Variants in AKAP13 observed in about 807,000 individuals in gnomAD.
The protein encoded by AKAP13 is A-kinase anchoring protein 13.
A neutral mutation model predicts 264.5 loss-of-function variants in AKAP13; 80 were observed. The ratio of observed to expected loss-of-function variants is 0.30; its 90% CI spans 0.25 to 0.36. AKAP13 has a LOEUF of 0.36. AKAP13 is among the 10% of genes least tolerant of loss of function. The pLI, the probability that AKAP13 is intolerant of heterozygous loss-of-function variation, is 1.00. For synonymous variants in AKAP13, 1,380 were observed against 1,250.2 expected (o/e 1.10, Z -2.19); for missense variants, 3,712 against 3,435.2 (o/e 1.08, Z -2.01).
Position 85,543,921 on chromosome 15 carries a change from C to T in AKAP13, c.628C>T (p.Arg210Ter), listed in dbSNP as rs772933404. 6.2e-7 allele frequency: 1 copy of T among 1,613,622 alleles called. No individual in the cohort carries two copies. Among genetic ancestry groups the T allele is most frequent in the Non-Finnish European group, 8.5e-7 (1 of 1,179,684 alleles). Residue 210 changes from arginine (R) to a stop codon, truncating the protein, a stop_gained, in exon 5 of 37, where the codon CGA becomes TGA. Coordinates refer to ENST00000394518, the MANE Select transcript of AKAP13 (RefSeq NM_007200.5). LOFTEE classifies it high-confidence loss of function. ...GACGCCTGTGAGCTTGGCCTTGGAG[C>T]GAGGCTATCACAAGCTGCACCAGCT... ...GATPVSLALE[R>*]GYHKLHQLLT...
intron 12 of AKAP13, among the ~76,000 whole-genome samples, chr15:85,663,756 G>C (rs2083462941): frequency 6.6e-6 from 1 of 152,234 alleles, no homozygotes; most frequent in African/African-American, 2.4e-5. Flanking sequence ...TCGCTAACCT[G>C]TCTCTGTAGC....
At position 85,544,153 on chromosome 15, in the gene AKAP13, G is replaced by C. The variant is rs1319151994; in HGVS notation, c.662+198G>C. The C allele has an allele frequency of 1.6e-4, 114 of 717,616 alleles. No individual in the cohort carries two copies. In the African/African-American group the frequency reaches 1.9e-3, roughly 12 times the overall value. 44.5% of individuals were successfully genotyped at this position (717,616 alleles called of 1,614,324 possible). The stretch of plus-strand genomic sequence containing the variant: ...TGTCTGAGAGAGAAACGTAAGTCGT[G>C]TTAACCATTTTCTCTCTCGTCTGCC... On this transcript the variant is annotated intron_variant, in intron 5 of 36. Transcript: ENST00000394518.
At chr15:85,616,891 C>G (rs1462087914) in intron 8 of AKAP13, among the ~76,000 whole-genome samples, 1 of 152,166 alleles carries the variant, frequency 6.6e-6, no homozygotes, top group Non-Finnish European at 1.5e-5. Context: ...ATTTGTTTCC[C>G]ACCCAGGGTA....
At position 85,394,714 on chromosome 15, in the gene AKAP13, A is replaced by G. The variant is rs563199409; in HGVS notation, c.-12+13916A>G. 5.9e-5 allele frequency among the ~76,000 whole-genome samples: 9 copies of G among 152,326 alleles called. No homozygotes were observed. The South Asian group carries it at 1.9e-3, about 32-fold the overall frequency. On this transcript the variant is annotated intron_variant, in intron 1 of 36. Transcript: ENST00000394518. ...TCCCAATTTAGCTGGGTTCTGTCAC[A>G]TAATTGACTGTGTGACCTTGAGCAG...
intron 2 of AKAP13, among the ~76,000 whole-genome samples, chr15:85,498,212 A>ATATATATATATATATATATATATAT (rs1217645309): frequency 3.5e-5 from 5 of 141,238 alleles, no homozygotes; most frequent in South Asian, 2.3e-4. Flanking sequence ...ATATATATAT[A>ATATATATATATATATATATATATAT]TATATATATA....
intron 20 of AKAP13, 93 bp downstream of exon 20, chr15:85,716,016 T>G: frequency 1.4e-6 from 2 of 1,399,282 alleles, no homozygotes; most frequent in Non-Finnish European, 1.9e-6. Flanking sequence ...TTTTTTTTTT[T>G]AAGAAATAAA....
At chr15:85,673,852 A>AT (rs140794268) in intron 14 of AKAP13, among the ~76,000 whole-genome samples, 20,433 of 146,458 alleles carry the variant, frequency 0.14, 2,064 homozygotes, top group East Asian at 0.37. Flanking sequence ...CACCCGGCTA[A>AT]TTTTTTTTTT....
At chr15:85,559,851 T>G (rs138814966) in intron 5 of AKAP13, among the ~76,000 whole-genome samples, 1 of 152,068 alleles carries the variant, frequency 6.6e-6, no homozygotes, top group East Asian at 1.9e-4. Context: ...GGCATGGGAG[T>G]TGGGGACCCC....
At chr15:85,440,340 T>G (rs2073582787) in intron 1 of AKAP13, among the ~76,000 whole-genome samples, 1 of 152,190 alleles carries the variant, frequency 6.6e-6, no homozygotes, top group African/African-American at 2.4e-5. Flanking sequence ...GATGAAAACT[T>G]TTTCTTAATT....
chr15:85,530,792 T>G (rs2077219573), intron 3 of AKAP13, among the ~76,000 whole-genome samples: 1 of 152,186 alleles, frequency 6.6e-6, no homozygotes, highest in South Asian at 2.1e-4. Context: ...TCATCATCCA[T>G]CCACCATCAG....
chr15:85,383,424 C>G (rs1214749217), intron 1 of AKAP13, among the ~76,000 whole-genome samples: 1 of 152,150 alleles, frequency 6.6e-6, no homozygotes, highest in South Asian at 2.1e-4. Flanking sequence ...AGGTACTTAA[C>G]TACAGTATCT....
intron 8 of AKAP13, among the ~76,000 whole-genome samples, chr15:85,613,913 A>G (rs2080823614): frequency 6.6e-6 from 1 of 151,910 alleles, no homozygotes; most frequent in Non-Finnish European, 1.5e-5. Flanking sequence ...ATGAGAATTT[A>G]TTTGAGAGAA....
intron 10 of AKAP13, among the ~76,000 whole-genome samples, 173 bp from the exon 11 acceptor site, chr15:85,655,243 AG>A (rs1239193259): frequency 6.6e-6 from 1 of 152,122 alleles, no homozygotes; most frequent in Non-Finnish European, 1.5e-5. Flanking sequence ...TCTAGAGTCC[AG>A]GGGGGATTTG....
At chr15:85,382,879 A>G (rs1333332265) in intron 1 of AKAP13, among the ~76,000 whole-genome samples, 1 of 152,212 alleles carries the variant, frequency 6.6e-6, no homozygotes. Flanking sequence ...AGAGCCACTA[A>G]CTGGGGACCT....
chr15:85,740,775 A>ACCCCCCCCCCC (rs34080252), intron 34 of AKAP13, among the ~76,000 whole-genome samples: 9 of 67,390 alleles, frequency 1.3e-4, no homozygotes, highest in African/African-American at 1.4e-4. Context: ...ACACACAACC[A>ACCCCCCCCCCC]CCCCCCCCCC....
chr15:85,575,143 A>T lies in AKAP13; in HGVS notation c.675A>T (p.Gly225=). The stretch of plus-strand genomic sequence containing the variant: ...TGCTTGCATGTAGGGAGAATGCTGG[A>T]GAACCAGACTCCTGGAGCAGTTTAT... The part of the protein sequence containing the change: ...LHQLLTEENA[G]EPDSWSSLSY... The change falls in exon 6 of 37, where the codon GGA becomes GGT. Residue 225 remains glycine (G), a synonymous_variant. Coordinates refer to ENST00000394518, the MANE Select transcript of AKAP13 (RefSeq NM_007200.5). The T allele has an allele frequency of 1.9e-6, 3 of 1,614,182 alleles. No homozygotes were observed. The South Asian group carries it at 3.3e-5, about 18-fold the overall frequency.
At chr15:85,740,011 T>C (rs2088836710) in intron 33 of AKAP13, among the ~76,000 whole-genome samples, 1 of 152,246 alleles carries the variant, frequency 6.6e-6, no homozygotes, top group South Asian at 2.1e-4. Flanking sequence ...ATGTTCCTCC[T>C]ATACATAGGT....
At chr15:85,444,226 G>A (rs2073820300) in intron 1 of AKAP13, among the ~76,000 whole-genome samples, 1 of 152,248 alleles carries the variant, frequency 6.6e-6, no homozygotes, top group Non-Finnish European at 1.5e-5. Context: ...ATTTATTCCT[G>A]ACAGGTGTTA....
At position 85,581,097 on chromosome 15, in the gene AKAP13, A is replaced by C; in HGVS notation, c.3029A>C (p.Gln1010Pro). The part of the protein sequence containing the change: ...EVAPQVSLLT[Q>P]GGAAQSLVPP... The stretch of plus-strand genomic sequence containing the variant: ...GCCCCACAAGTCTCACTGCTGACTC[A>C]AGGTGGGGCTGCCCAGAGCCTGGTG... The change falls in exon 7 of 37, where the codon CAA (glutamine) becomes CCA (proline). Residue 1010 changes from glutamine (Q) to proline (P), a missense_variant. This residue lies in a region of AKAP13 where 2,759 missense variants were observed against 2,411.7 expected (regional missense o/e 1.14). Transcript: ENST00000394518. 6.2e-7 allele frequency: 1 copy of C among 1,613,978 alleles called. No homozygotes were observed. The highest frequency in any genetic ancestry group is 1.7e-4 in the Middle Eastern group (1 of 6,060).
Sources: gnomAD v4.1 joint callset for allele counts (sites outside exome capture counted in the v4.1 genomes callset) on GRCh38, gnomAD v4.1.1 for gene constraint, gnomAD v4.1.1 regional missense constraint, MANE v1.5 for transcripts, NCBI Gene and HGNC (gene_info 2026-07-23, HGNC 2026-07-21) for gene names.